The following NAP1L4 variants were observed in gnomAD, a reference collection of about 807,000 sequenced individuals.
The protein encoded by NAP1L4 is nucleosome assembly protein 1 like 4.
In NAP1L4, 15 loss-of-function variants were observed where a neutral mutation model predicts 58.2. The observed-to-expected ratio is 0.26, with a 90% CI of 0.17 to 0.40. The LOEUF is 0.40. Ranked by LOEUF, NAP1L4 falls within the 10% of genes least tolerant of loss-of-function variation. The pLI, the probability that NAP1L4 is intolerant of heterozygous loss-of-function variation, is 1.00. For missense variants in NAP1L4, 384 were observed against 451.1 expected, an observed-to-expected ratio of 0.85 and a Z score of 1.35; for synonymous variants, 171 against 155.6, an observed-to-expected ratio of 1.10 and a Z score of -0.74.
chr11:2,970,001 G>C, intron 6 of NAP1L4, 67 bp from the exon 7 acceptor site: 4 of 1,495,170 alleles, frequency 2.7e-6, no homozygotes, highest in Middle Eastern at 2.1e-4. Flanking sequence ...GCTTCACGTA[G>C]AATATCGTTG....
At chr11:2,965,724 G>T (rs1847237538) in intron 7 of NAP1L4, among the ~76,000 whole-genome samples, 1 of 152,244 alleles carries the variant, frequency 6.6e-6, no homozygotes, top group Admixed American at 6.5e-5. Context: ...TAGAGACGGG[G>T]TTTCACCGTG....
chr11:2,980,597 C>G (rs955055091), intron 1 of NAP1L4, among the ~76,000 whole-genome samples: 1 of 152,192 alleles, frequency 6.6e-6, no homozygotes, highest in African/African-American at 2.4e-5. Context: ...GTTCCTTAAA[C>G]TCAGATGTGG....
Position 2,951,178 on chromosome 11 carries a change from C to G in NAP1L4, c.1122+81G>C. 9.3e-7 allele frequency: 1 copy of G among 1,071,612 alleles called. No homozygotes were observed. Among genetic ancestry groups the G allele is most frequent in the Non-Finnish European group, 1.4e-6 (1 of 701,490 alleles). The allele number at this position is 1,071,612 out of a possible 1,614,324, so 66.4% of individuals were successfully genotyped here. On this transcript the variant is annotated intron_variant, in intron 14 of 15. Coordinates refer to ENST00000380542, the MANE Select transcript of NAP1L4 (RefSeq NM_005969.4). The surrounding 1 kb of genome is among the most constrained non-coding windows in gnomAD (Gnocchi z 4.0). ...GGAATAATGAATATTGTTAACACTACTGCCTCAAAGTGGGGAACATTTTTA... is the reference window on the plus strand; with the variant it reads ...GGAATAATGAATATTGTTAACACTAGTGCCTCAAAGTGGGGAACATTTTTA...
In NAP1L4 at chr11:2,978,285, T is replaced by C. The variant is rs1848085406; in HGVS notation, c.72A>G (p.Thr24=). ...ACTCTCCATGTGCAGTGGACTGACC[T>C]GTGTTACTTGCATTTTTAGCAGCTT... is the stretch of plus-strand genomic sequence containing the variant. The part of the protein sequence containing the change: ...SVEAAKNASN[T]EKLTDQVMQN... Residue 24 remains threonine, a splice_region_variant and synonymous_variant, in exon 3 of 16, where the codon ACA becomes ACG. Transcript: ENST00000380542. 4 of 1,614,024 alleles carry C rather than the reference T, an allele frequency of 2.5e-6. No individual in the cohort carries two copies. Among genetic ancestry groups the C allele is most frequent in the Non-Finnish European group, 3.4e-6 (4 of 1,179,900 alleles).
chr11:2,962,566 T>G (rs1846991598), intron 8 of NAP1L4, among the ~76,000 whole-genome samples: 1 of 152,216 alleles, frequency 6.6e-6, no homozygotes, highest in African/African-American at 2.4e-5. Context: ...ATGGGGAAAT[T>G]CACTAAGCTG....
Position 2,951,243 on chromosome 11 carries a change from C to A in NAP1L4, c.1122+16G>T. 6.2e-7 allele frequency: 1 copy of A among 1,611,942 alleles called. No individual in the cohort carries two copies. The highest frequency in any genetic ancestry group is 1.3e-5 in the African/African-American group (1 of 74,974). On this transcript the variant is annotated intron_variant, in intron 14 of 15. Transcript: ENST00000380542. The surrounding 1 kb of genome is among the most constrained non-coding windows in gnomAD (Gnocchi z 4.0). Reference sequence around the variant, plus strand: ...CAGCATAATAAGTAGGTCTGGGTGGCCCCAAAGTTACCAACCTTGGGGTTA... The same window carrying A: ...CAGCATAATAAGTAGGTCTGGGTGGACCCAAAGTTACCAACCTTGGGGTTA...
At chr11:2,984,463 C>T (rs973272272) in intron 1 of NAP1L4, among the ~76,000 whole-genome samples, 1 of 152,142 alleles carries the variant, frequency 6.6e-6, no homozygotes, top group Admixed American at 6.5e-5. Context: ...CTCAGCTACT[C>T]AGGAGGCTGA....
intron 10 of NAP1L4, among the ~76,000 whole-genome samples, chr11:2,956,411 G>A (rs1846542185): frequency 6.6e-6 from 1 of 152,084 alleles, no homozygotes; most frequent in South Asian, 2.1e-4. Context: ...CCAACCCCCT[G>A]ATTTTAGAAA....
chr11:2,990,481 A>T (rs1848895103), intron 1 of NAP1L4: 2 of 152,248 alleles, frequency 1.3e-5, no homozygotes, highest in Admixed American at 1.3e-4. Flanking sequence ...TCCCAGTCTG[A>T]ATCTCAAAAT....
chr11:2,986,475 C>T (rs1590277699), intron 1 of NAP1L4, among the ~76,000 whole-genome samples: 2 of 151,964 alleles, frequency 1.3e-5, no homozygotes, highest in Admixed American at 6.5e-5. Flanking sequence ...TATATATTTA[C>T]TCTGTCTTAA....
rs1215170944 is a variant in NAP1L4, at chr11:2,954,882, G to C, written c.916-236C>G. 2 of 575,542 alleles carry C rather than the reference G, an allele frequency of 3.5e-6. No homozygotes were observed. Among genetic ancestry groups the C allele is most frequent in the African/African-American group, 3.8e-5 (2 of 53,288 alleles). 35.7% of individuals were successfully genotyped at this position (575,542 alleles called of 1,614,324 possible). A position where few individuals can be genotyped will look rare whatever the true frequency, so the allele number is the denominator to read the frequency against. ...GAAAGTGGGAAGTGAGGGCCCTACA[G>C]CTCCACAACTTGTCCAAAGGTCTCA... On this transcript the variant is annotated intron_variant, in intron 11 of 15. Coordinates refer to ENST00000380542, the MANE Select transcript of NAP1L4 (RefSeq NM_005969.4). The surrounding 1 kb of genome is among the most constrained non-coding windows in gnomAD (Gnocchi z 4.8).
chr11:2,978,780 T>C (rs1488116680), intron 2 of NAP1L4, among the ~76,000 whole-genome samples: 1 of 152,098 alleles, frequency 6.6e-6, no homozygotes, highest in East Asian at 1.9e-4. Context: ...CCACAACAAG[T>C]GTAAAATGAG....
chr11:2,986,018 AT>A (rs1848595984), intron 1 of NAP1L4, among the ~76,000 whole-genome samples: 3 of 152,252 alleles, frequency 2.0e-5, no homozygotes, highest in African/African-American at 7.2e-5. Context: ...TTGTAACAAA[AT>A]ATAACCTTAA....
intron 8 of NAP1L4, among the ~76,000 whole-genome samples, chr11:2,964,176 G>A (rs77374304): frequency 1.3e-5 from 2 of 152,048 alleles, no homozygotes; most frequent in African/African-American, 4.8e-5. Flanking sequence ...AATAAGTGCT[G>A]ATCATTATGT....
At chr11:2,981,575 T>A (rs906290994) in intron 1 of NAP1L4, 2 of 152,200 alleles carry the variant, frequency 1.3e-5, no homozygotes, top group Non-Finnish European at 2.9e-5. Flanking sequence ...ACACCTGTAA[T>A]CCCAGCACTT....
intron 3 of NAP1L4, among the ~76,000 whole-genome samples, chr11:2,977,491 G>A (rs1158559702): frequency 6.6e-6 from 1 of 152,178 alleles, no homozygotes; most frequent in Non-Finnish European, 1.5e-5. Flanking sequence ...GGCCCAGAGC[G>A]CTGATATGTT....
chr11:2,983,486 G>A (rs779195249), intron 1 of NAP1L4, among the ~76,000 whole-genome samples: 1 of 151,978 alleles, frequency 6.6e-6, no homozygotes, highest in African/African-American at 2.4e-5. Flanking sequence ...CAAAGTGCTG[G>A]GATTATAGGA....
At chr11:2,963,026 G>C (rs1847026735) in intron 8 of NAP1L4, among the ~76,000 whole-genome samples, 2 of 145,862 alleles carry the variant, frequency 1.4e-5, no homozygotes, top group Admixed American at 1.4e-4. Context: ...CTTGAATCCA[G>C]GAGGCAGAGG....
At chr11:2,988,335 CCT>C (rs1848766780) in intron 1 of NAP1L4, among the ~76,000 whole-genome samples, 1 of 152,138 alleles carries the variant, frequency 6.6e-6, no homozygotes, top group Non-Finnish European at 1.5e-5. Flanking sequence ...AAGGCACTTC[CCT>C]CTCTACCTAT....
Sources: allele counts gnomAD v4.1 joint callset (sites outside exome capture counted in the v4.1 genomes callset), GRCh38; gene constraint gnomAD v4.1.1; non-coding constraint Gnocchi (gnomAD v3.1); transcripts MANE v1.5; gene names NCBI Gene and HGNC (gene_info 2026-07-23, HGNC 2026-07-21).